The following NEGR1 variants were observed in gnomAD, a reference collection of about 807,000 sequenced individuals.
NEGR1 encodes the protein neuronal growth regulator 1, also known as IgLON family member 4.
In NEGR1, 10 loss-of-function variants were observed where a neutral mutation model predicts 40.9. That is an observed-to-expected ratio of 0.24 (90% CI 0.15 to 0.42). NEGR1 has a LOEUF of 0.42. Among genes scored for constraint, NEGR1 ranks in the 10% least tolerant of loss-of-function variants. The probability of loss-of-function intolerance (pLI) is 1.00; values close to 1 mark genes in which losing one functional copy is unlikely to be tolerated. For synonymous variants in NEGR1, 185 were observed against 166.8 expected (o/e 1.11, Z -0.84); for missense variants, 352 against 438.9 (o/e 0.80, Z 1.77).
At chr1:71,781,012 T>C (rs1363080704) in intron 2 of NEGR1, among the ~76,000 whole-genome samples, 1 of 152,228 alleles carries the variant, frequency 6.6e-6, no homozygotes, top group Admixed American at 6.5e-5. Flanking sequence ...GTTTGTACGA[T>C]AATGAGCAAC....
At chr1:71,823,251 T>G (rs939374593) in intron 2 of NEGR1, among the ~76,000 whole-genome samples, 5 of 151,176 alleles carry the variant, frequency 3.3e-5, no homozygotes, top group African/African-American at 9.7e-5. Flanking sequence ...CACAGGATTA[T>G]GAATAGTGAG....
At chr1:71,689,508 T>C (rs1419332612) in intron 4 of NEGR1, among the ~76,000 whole-genome samples, 1 of 152,184 alleles carries the variant, frequency 6.6e-6, no homozygotes, top group Non-Finnish European at 1.5e-5. Context: ...TTCATTATCC[T>C]GTAATATCTA....
chr1:71,492,306 C>T (rs570388045), intron 6 of NEGR1, among the ~76,000 whole-genome samples: 17 of 152,036 alleles, frequency 1.1e-4, no homozygotes, highest in South Asian at 4.2e-4. Context: ...CCCTTGGGCA[C>T]GGGATAAATT....
chr1:71,788,189 G>A (rs1243666688), intron 2 of NEGR1, among the ~76,000 whole-genome samples: 2 of 151,836 alleles, frequency 1.3e-5, no homozygotes, highest in African/African-American at 4.8e-5. Flanking sequence ...TACAAACAAA[G>A]GTTATCATGC....
intron 6 of NEGR1, among the ~76,000 whole-genome samples, chr1:71,482,103 G>GCA (rs1474594976): frequency 1.3e-5 from 2 of 151,782 alleles, no homozygotes; most frequent in Non-Finnish European, 2.9e-5. Flanking sequence ...GAGCAATGAA[G>GCA]ATTAAACCCC....
chr1:72,221,739 A>T (rs887196540), intron 1 of NEGR1, among the ~76,000 whole-genome samples: 2 of 152,102 alleles, frequency 1.3e-5, no homozygotes, highest in East Asian at 3.9e-4. Flanking sequence ...TCTTTATTGG[A>T]TCATTCAGTC....
At chr1:72,231,285 C>T (rs566273700) in intron 1 of NEGR1, among the ~76,000 whole-genome samples, 77 of 152,090 alleles carry the variant, frequency 5.1e-4, no homozygotes, top group Non-Finnish European at 9.3e-4. Context: ...ATTTTTCCTC[C>T]TCTTTACAAC....
At chr1:72,192,574 G>A (rs1022560878) in intron 1 of NEGR1, among the ~76,000 whole-genome samples, 2 of 151,512 alleles carry the variant, frequency 1.3e-5, no homozygotes, top group African/African-American at 4.8e-5. Context: ...AGTCTAGGAG[G>A]GCATATGCAC....
At chr1:72,214,637 T>A (rs2100468968) in intron 1 of NEGR1, among the ~76,000 whole-genome samples, 1 of 151,998 alleles carries the variant, frequency 6.6e-6, no homozygotes, top group East Asian at 1.9e-4. Context: ...ATAAAATACC[T>A]AGGAATACAA....
rs751018305 is a variant in NEGR1 at position 71,866,817 on chromosome 1, G to A, written c.409+68262C>T. On this transcript the variant is annotated intron_variant, in intron 2 of 6. Transcript: ENST00000357731. ...GTAAGAAGTGATAGTATAATGTGAC[G>A]CTCTCTGAATGCAGTGTCAGAAGAT... is the stretch of plus-strand genomic sequence containing the variant. 6.6e-5 allele frequency among the ~76,000 whole-genome samples: 10 copies of A among 152,124 alleles called. 1 individual carries two copies. The highest frequency in any genetic ancestry group is 1.0e-4 in the Non-Finnish European group (7 of 68,022).
At chr1:72,240,922 C>T (rs1654712079) in intron 1 of NEGR1, among the ~76,000 whole-genome samples, 1 of 151,566 alleles carries the variant, frequency 6.6e-6, no homozygotes, top group African/African-American at 2.4e-5. Flanking sequence ...TGTTTCCTAA[C>T]TTTAAACAGT....
rs572724121 is a variant in NEGR1 at position 71,511,393 on chromosome 1, A to G, written c.940+81424T>C. On this transcript the variant is annotated intron_variant, in intron 6 of 6. Transcript: ENST00000357731. ...CCAAATCTAGTTGACCAACAGAACC[A>G]TTTTCTTTCAAAATATGTTACAAGA... is the stretch of plus-strand genomic sequence containing the variant. Among the ~76,000 whole-genome samples, 22 of 152,220 alleles carry G rather than the reference A, an allele frequency of 1.4e-4. No individual in the cohort carries two copies. In the South Asian group the frequency reaches 4.6e-3, roughly 32 times the overall value.
intron 1 of NEGR1, among the ~76,000 whole-genome samples, chr1:72,235,585 T>C (rs1209338019): frequency 6.6e-6 from 1 of 151,620 alleles, no homozygotes; most frequent in East Asian, 1.9e-4. Context: ...CAAAAATGAG[T>C]AAAATCTGGA....
intron 1 of NEGR1, among the ~76,000 whole-genome samples, chr1:71,977,219 G>A (rs1472072717): frequency 6.6e-6 from 1 of 152,082 alleles, no homozygotes; most frequent in Admixed American, 6.6e-5. Flanking sequence ...CAAGCTACTT[G>A]GGAGGCTGAG....
intron 1 of NEGR1, among the ~76,000 whole-genome samples, chr1:72,187,092 C>T (rs1248091977): frequency 6.6e-6 from 1 of 151,530 alleles, no homozygotes; most frequent in Non-Finnish European, 1.5e-5. Flanking sequence ...TGATAATGTA[C>T]TTTCTCCTTT....
intron 2 of NEGR1, among the ~76,000 whole-genome samples, chr1:71,785,942 T>C (rs371145092): frequency 5.9e-5 from 9 of 152,330 alleles, no homozygotes; most frequent in African/African-American, 2.2e-4. Flanking sequence ...GATTTTTATA[T>C]CTAAAAGCTG....
At chr1:71,789,656 T>C (rs1380517145) in intron 2 of NEGR1, among the ~76,000 whole-genome samples, 3 of 152,136 alleles carry the variant, frequency 2.0e-5, no homozygotes, top group African/African-American at 7.2e-5. Context: ...ACTTTTGTTT[T>C]CTTGATGCTA....
At chr1:71,816,227 A>T (rs1026588954) in intron 2 of NEGR1, among the ~76,000 whole-genome samples, 2 of 152,064 alleles carry the variant, frequency 1.3e-5, no homozygotes, top group African/African-American at 4.8e-5. Context: ...TGGCTTTTGT[A>T]TGCTTAACAA....
intron 3 of NEGR1, among the ~76,000 whole-genome samples, chr1:71,707,634 C>A (rs981652383): frequency 6.6e-6 from 1 of 152,086 alleles, no homozygotes; most frequent in Non-Finnish European, 1.5e-5. Flanking sequence ...ACTATAGAGC[C>A]CCAGGGCTGT....
Sources: allele counts gnomAD v4.1 joint callset (sites outside exome capture counted in the v4.1 genomes callset), GRCh38; gene constraint gnomAD v4.1.1; transcripts MANE v1.5; gene names NCBI Gene and HGNC (gene_info 2026-07-23, HGNC 2026-07-21).